The following LSM14B variants were observed in gnomAD, a reference collection of about 807,000 sequenced individuals.
LSM14B encodes protein LSM14 homolog B.
A neutral mutation model predicts 42.1 loss-of-function variants in LSM14B; 8 were observed. The ratio of observed to expected loss-of-function variants is 0.19; its 90% CI spans 0.11 to 0.34. The LOEUF (loss-of-function observed/expected upper bound fraction) is 0.34. Ranked by LOEUF, LSM14B falls within the 10% of genes least tolerant of loss-of-function variation. The pLI, the probability that LSM14B is intolerant of heterozygous loss-of-function variation, is 1.00. For synonymous variants in LSM14B, 219 were observed against 209.7 expected (o/e 1.04, Z -0.38); for missense variants, 396 against 513.1 (o/e 0.77, Z 2.21).
Position 62,135,164 on chromosome 20 carries a change from A to G in LSM14B, c.*1016A>G, listed in dbSNP as rs752014162. The G allele has an allele frequency of 3.3e-5, 5 of 152,152 alleles. No homozygotes were observed. The highest frequency in any genetic ancestry group is 7.3e-5 in the Non-Finnish European group (5 of 68,034). The allele number at this position is 152,152 out of a possible 1,614,324, so 9.4% of individuals were successfully genotyped here. A position where few individuals can be genotyped will look rare whatever the true frequency, so the allele number is the denominator to read the frequency against. On this transcript the variant is annotated 3_prime_UTR_variant, in exon 9 of 9. Transcript: ENST00000279068. ...CTTTAGTATACGCATGCGTCCTCTG[A>G]GTGACAGGGCATTTTGTCGAAAATA...
chr20:62,123,525 CTCTT>C (rs2056479691), intron 1 of LSM14B: 1 of 152,300 alleles, frequency 6.6e-6, no homozygotes. Context: ...AGGAGGGGGG[CTCTT>C]TAGAGTCAGA....
chr20:62,126,997 A>G (rs2056626960), intron 3 of LSM14B, among the ~76,000 whole-genome samples: 1 of 152,230 alleles, frequency 6.6e-6, no homozygotes. Flanking sequence ...ACTCTGTCTC[A>G]AAAAATAAAT....
At chr20:62,125,546 T>C (rs1280644075) in intron 2 of LSM14B, among the ~76,000 whole-genome samples, 2 of 152,268 alleles carry the variant, frequency 1.3e-5, no homozygotes, top group African/African-American at 4.8e-5. Context: ...TTTGCAAGTC[T>C]GATGCCATGT....
At chr20:62,124,588 A>G in intron 1 of LSM14B, 29 bp from the exon 2 acceptor site, 1 of 1,608,320 alleles carries the variant, frequency 6.2e-7, no homozygotes, top group South Asian at 1.1e-5. Flanking sequence ...TGAGGACAAC[A>G]ATAACGCTTC....
At chr20:62,129,433 T>C (rs2056699123) in intron 3 of LSM14B, among the ~76,000 whole-genome samples, 1 of 152,158 alleles carries the variant, frequency 6.6e-6, no homozygotes, top group South Asian at 2.1e-4. Flanking sequence ...TTGGAGCTTG[T>C]GTGGTTTTAA....
chr20:62,131,640 C>A, intron 7 of LSM14B, 134 bp downstream of exon 7: 1 of 1,144,158 alleles, frequency 8.7e-7, no homozygotes, highest in Non-Finnish European at 1.2e-6. Flanking sequence ...TGCGTTTCTG[C>A]ATGATGGGTG....
In LSM14B at chr20:62,130,412, G is replaced by A; in HGVS notation, c.673+116G>A. On this transcript the variant is annotated intron_variant, in intron 5 of 8. Coordinates refer to ENST00000279068, the MANE Select transcript of LSM14B (RefSeq NM_144703.3). This position sits in a 1 kb window ranked among gnomAD's most constrained non-coding sequence, Gnocchi z 4.1. ...TCAGGGGTGCTGGTGTGAAGTCGCTGCTTGTGTGCTCTGTTCCTTCTGTGG... is the reference window on the plus strand; with the variant it reads ...TCAGGGGTGCTGGTGTGAAGTCGCTACTTGTGTGCTCTGTTCCTTCTGTGG... 1 of 1,531,886 alleles carries A rather than the reference G, an allele frequency of 6.5e-7. No homozygotes were observed. The highest frequency in any genetic ancestry group is 1.2e-5 in the South Asian group (1 of 83,304). The allele number at this position is 1,531,886 out of a possible 1,614,324, so 94.9% of individuals were successfully genotyped here. A position where few individuals can be genotyped will look rare whatever the true frequency, so the allele number is the denominator to read the frequency against.
intron 3 of LSM14B, chr20:62,127,494 G>A: frequency 2.3e-6 from 2 of 886,946 alleles, no homozygotes; most frequent in Admixed American, 2.1e-5. Flanking sequence ...GAGGTTGCTT[G>A]GCTCTTTCCA....
intron 3 of LSM14B, among the ~76,000 whole-genome samples, chr20:62,126,828 C>A (rs1248195967): frequency 6.6e-6 from 1 of 152,114 alleles, no homozygotes; most frequent in Non-Finnish European, 1.5e-5. Context: ...GAAATCCTGT[C>A]TCTACTAGAA....
chr20:62,131,536 A>G, intron 7 of LSM14B, 30 bp downstream of exon 7: 1 of 1,607,902 alleles, frequency 6.2e-7, no homozygotes, highest in Admixed American at 1.7e-5. Context: ...AGGGGAGGAC[A>G]GTCCTCCAAT....
intron 7 of LSM14B, 114 bp downstream of exon 7, chr20:62,131,620 G>A: frequency 7.3e-7 from 1 of 1,367,210 alleles, no homozygotes; most frequent in Non-Finnish European, 1.0e-6. Context: ...AGCTGTTCTA[G>A]GGTCCTGCTT....
intron 1 of LSM14B, 67 bp from the exon 2 acceptor site, chr20:62,124,550 C>T: frequency 9.8e-6 from 15 of 1,536,964 alleles, no homozygotes; most frequent in Non-Finnish European, 1.1e-5. Context: ...GGCTTGGGAG[C>T]AGTGGTGTCA....
At position 62,122,494 on chromosome 20, in the gene LSM14B, G is replaced by T. The variant is rs1308190460; in HGVS notation, c.-173G>T. The T allele has an allele frequency of 1.9e-5, 6 of 319,046 alleles. No individual in the cohort carries two copies. The highest frequency in any genetic ancestry group is 6.5e-5 in the Admixed American group (1 of 15,332). 19.8% of individuals were successfully genotyped at this position (319,046 alleles called of 1,614,324 possible). A position where few individuals can be genotyped will look rare whatever the true frequency, so the allele number is the denominator to read the frequency against. On this transcript the variant is annotated 5_prime_UTR_variant, in exon 1 of 9. Coordinates refer to ENST00000279068, the MANE Select transcript of LSM14B (RefSeq NM_144703.3). This position sits in a 1 kb window ranked among gnomAD's most constrained non-coding sequence, Gnocchi z 4.6. ...AGCCCCAGTCGCGCGCCCCTTCTTG[G>T]TTCGCTCGGTGCCCGCGCAGGCCCC...
chr20:62,122,828 C>T lies in LSM14B; in HGVS notation c.127+35C>T. The T allele has an allele frequency of 6.8e-7, 1 of 1,460,856 alleles. No individual in the cohort carries two copies. Among genetic ancestry groups the T allele is most frequent in the Non-Finnish European group, 9.1e-7 (1 of 1,093,350 alleles). 90.5% of individuals were successfully genotyped at this position (1,460,856 alleles called of 1,614,324 possible). The stretch of plus-strand genomic sequence containing the variant: ...GCCGCCCGCCCGAGCCCGCTGACCC[C>T]CGTCCGCCAACAGCCCCGGCCTGCG... On this transcript the variant is annotated intron_variant, in intron 1 of 8. Coordinates refer to ENST00000279068, the MANE Select transcript of LSM14B (RefSeq NM_144703.3). This position sits in a 1 kb window ranked among gnomAD's most constrained non-coding sequence, Gnocchi z 4.6.
At chr20:62,133,818 G>A (rs1179003073) in intron 8 of LSM14B, among the ~76,000 whole-genome samples, 2 of 152,218 alleles carry the variant, frequency 1.3e-5, no homozygotes, top group African/African-American at 2.4e-5. Flanking sequence ...GGCCCAACCC[G>A]GCCCTAAGTG....
chr20:62,125,950 C>T (rs2056584389), intron 2 of LSM14B, among the ~76,000 whole-genome samples: 1 of 152,154 alleles, frequency 6.6e-6, no homozygotes, highest in Admixed American at 6.5e-5. Context: ...ATCTCAGCTA[C>T]TCGGGAGGCT....
chr20:62,123,947 G>A (rs1274479991), intron 1 of LSM14B, among the ~76,000 whole-genome samples: 1 of 152,196 alleles, frequency 6.6e-6, no homozygotes, highest in African/African-American at 2.4e-5. Context: ...GGAGTTAGCA[G>A]GAGTTGTGTC....
At position 62,133,469 on chromosome 20, in the gene LSM14B, G is replaced by A. The variant is rs1284429455; in HGVS notation, c.*8G>A. 1.9e-6 allele frequency: 3 copies of A among 1,609,902 alleles called. No individual in the cohort carries two copies. Among genetic ancestry groups the A allele is most frequent in the Non-Finnish European group, 2.5e-6 (3 of 1,178,678 alleles). ...GGGACTGGCAGGGTGTGAGGGTGCA[G>A]CCAAAGGTGAGTGGATGAACCTTCT... On this transcript the variant is annotated 3_prime_UTR_variant, in exon 8 of 9. Coordinates refer to ENST00000279068, the MANE Select transcript of LSM14B (RefSeq NM_144703.3).
rs1342312343 is a variant in LSM14B at position 62,122,883 on chromosome 20, G to T, written c.127+90G>T. 1 of 1,173,804 alleles carries T rather than the reference G, an allele frequency of 8.5e-7. No individual in the cohort carries two copies. The highest frequency in any genetic ancestry group is 1.1e-6 in the Non-Finnish European group (1 of 928,548). 72.7% of individuals were successfully genotyped at this position (1,173,804 alleles called of 1,614,324 possible). A position where few individuals can be genotyped will look rare whatever the true frequency, so the allele number is the denominator to read the frequency against. ...CCTCCCCGCCCCGGGGCGCCCCGGA[G>T]CCTGGCGCCCAGACCCCGCCCAGAA... On this transcript the variant is annotated intron_variant, in intron 1 of 8. Coordinates refer to ENST00000279068, the MANE Select transcript of LSM14B (RefSeq NM_144703.3). This position sits in a 1 kb window ranked among gnomAD's most constrained non-coding sequence, Gnocchi z 4.6.
Sources: allele counts gnomAD v4.1 joint callset (sites outside exome capture counted in the v4.1 genomes callset), GRCh38; gene constraint gnomAD v4.1.1; non-coding constraint Gnocchi (gnomAD v3.1); transcripts MANE v1.5; gene names NCBI Gene and HGNC (gene_info 2026-07-23, HGNC 2026-07-21).